The following EIF4G3 variants were observed in gnomAD, a reference collection of about 807,000 sequenced individuals.
EIF4G3 encodes eIF-4-gamma 3.
A neutral mutation model predicts 186.4 loss-of-function variants in EIF4G3; 34 were observed. That is an observed-to-expected ratio of 0.18 (90% CI 0.14 to 0.24). The LOEUF is 0.24. Among genes scored for constraint, EIF4G3 ranks in the 10% least tolerant of loss-of-function variants. EIF4G3 has a pLI of 1.00. For missense variants in EIF4G3, 1,536 were observed against 1,948.5 expected (o/e 0.79, Z 3.99); for synonymous variants, 673 against 679.5 (o/e 0.99, Z 0.15).
intron 29 of EIF4G3, among the ~76,000 whole-genome samples, chr1:20,843,228 T>G (rs1282369554): frequency 6.6e-6 from 1 of 151,394 alleles, no homozygotes; most frequent in Non-Finnish European, 1.5e-5. Context: ...AAATATTCAA[T>G]CCTCAGGCTG....
intron 4 of EIF4G3, among the ~76,000 whole-genome samples, chr1:21,013,755 T>C (rs2087933176): frequency 6.6e-6 from 1 of 152,052 alleles, no homozygotes; most frequent in African/African-American, 2.4e-5. Context: ...ACAGAAAAGG[T>C]CAACAAGACC....
chr1:21,166,971 G>A (rs942100133), intron 2 of EIF4G3, among the ~76,000 whole-genome samples: 1 of 151,936 alleles, frequency 6.6e-6, no homozygotes, highest in Admixed American at 6.6e-5. Flanking sequence ...CTGTAAAGAC[G>A]GGGTTTTGTC....
intron 26 of EIF4G3, among the ~76,000 whole-genome samples, chr1:20,854,629 T>C (rs1333234171): frequency 6.6e-6 from 1 of 151,104 alleles, no homozygotes; most frequent in East Asian, 1.9e-4. Context: ...TGCTTGAACC[T>C]AGGTGGTTGA....
intron 2 of EIF4G3, among the ~76,000 whole-genome samples, chr1:21,125,700 T>C (rs540916711): frequency 5.3e-5 from 8 of 150,768 alleles, no homozygotes; most frequent in South Asian, 2.1e-4. Context: ...GCCTGGGCAA[T>C]AGAGCAAGAC....
intron 2 of EIF4G3, among the ~76,000 whole-genome samples, chr1:21,112,290 C>T (rs766504692): frequency 2.6e-5 from 4 of 152,134 alleles, no homozygotes; most frequent in African/African-American, 4.8e-5. Context: ...AATTCACAAC[C>T]AGTAAGAGTT....
At chr1:21,003,738 C>T in intron 4 of EIF4G3, 1 of 442,820 alleles carries the variant, frequency 2.3e-6, no homozygotes, top group Non-Finnish European at 4.4e-6. Context: ...GTTTAACCTG[C>T]CTGTGAGGTT....
At chr1:21,104,723 A>G (rs2096585092) in intron 2 of EIF4G3, among the ~76,000 whole-genome samples, 3 of 152,242 alleles carry the variant, frequency 2.0e-5, no homozygotes, top group Admixed American at 6.5e-5. Flanking sequence ...GTATATACCC[A>G]AAGGAATATA....
At chr1:20,993,795 A>C (rs925773716) in intron 7 of EIF4G3, among the ~76,000 whole-genome samples, 8 of 152,170 alleles carry the variant, frequency 5.3e-5, no homozygotes, top group African/African-American at 1.9e-4. Context: ...AGTATGTAAA[A>C]CCCAAAATAT....
intron 3 of EIF4G3, chr1:21,064,679 T>C (rs1324536035): frequency 6.6e-6 from 1 of 152,244 alleles, no homozygotes; most frequent in East Asian, 1.9e-4. Context: ...AAGGTTTGTC[T>C]ATTCTACTAA....
At chr1:21,084,290 G>T (rs2095887241) in intron 3 of EIF4G3, among the ~76,000 whole-genome samples, 1 of 151,830 alleles carries the variant, frequency 6.6e-6, no homozygotes, top group African/African-American at 2.4e-5. Context: ...GTTCCACGTG[G>T]CTGGGGAAGC....
intron 14 of EIF4G3, among the ~76,000 whole-genome samples, chr1:20,932,876 C>T (rs1412298841): frequency 6.9e-6 from 1 of 145,862 alleles, no homozygotes; most frequent in African/African-American, 2.4e-5. Context: ...GCTTTCTCAA[C>T]ACAGAGTTAC....
intron 21 of EIF4G3, among the ~76,000 whole-genome samples, chr1:20,864,915 G>A: frequency 6.6e-6 from 1 of 152,034 alleles, no homozygotes; most frequent in East Asian, 1.9e-4. Context: ...TGGCTGGCAT[G>A]GAAAATTTAG....
intron 3 of EIF4G3, among the ~76,000 whole-genome samples, chr1:21,077,603 G>A (rs536264704): frequency 4.0e-5 from 6 of 150,492 alleles, no homozygotes; most frequent in South Asian, 2.1e-4. Flanking sequence ...AAAACGGGCC[G>A]GGCGTGGTGG....
chr1:21,072,207 A>G (rs1183569661), intron 3 of EIF4G3, among the ~76,000 whole-genome samples: 1 of 152,184 alleles, frequency 6.6e-6, no homozygotes, highest in Non-Finnish European at 1.5e-5. Flanking sequence ...CAAATATATA[A>G]TAAGTATTGA....
intron 4 of EIF4G3, among the ~76,000 whole-genome samples, chr1:21,039,615 T>G (rs1211619649): frequency 6.6e-6 from 1 of 152,124 alleles, no homozygotes; most frequent in Non-Finnish European, 1.5e-5. Flanking sequence ...GTGAGTTATT[T>G]CCAACACCCT....
intron 2 of EIF4G3, among the ~76,000 whole-genome samples, chr1:21,121,633 G>A (rs2096925988): frequency 6.6e-6 from 1 of 152,082 alleles, no homozygotes; most frequent in African/African-American, 2.4e-5. Context: ...AAATCAGCCA[G>A]GCGTGGTGGT....
intron 4 of EIF4G3, among the ~76,000 whole-genome samples, chr1:21,049,708 C>T (rs1227524990): frequency 6.6e-6 from 1 of 151,910 alleles, no homozygotes; most frequent in East Asian, 1.9e-4. Flanking sequence ...AGCAAGACCC[C>T]ATCTCTACAA....
intron 14 of EIF4G3, among the ~76,000 whole-genome samples, chr1:20,915,512 C>A (rs527573196): frequency 2.7e-4 from 41 of 149,670 alleles, no homozygotes; most frequent in African/African-American, 1.0e-3. Flanking sequence ...TTGAACAATA[C>A]AGAAAAAGAA....
chr1:21,075,287 G>A (rs2095551368), intron 3 of EIF4G3, among the ~76,000 whole-genome samples: 1 of 151,916 alleles, frequency 6.6e-6, no homozygotes, highest in African/African-American at 2.4e-5. Flanking sequence ...ACACACATAG[G>A]GCCGGGCAGG....
Sources: allele counts gnomAD v4.1 joint callset (sites outside exome capture counted in the v4.1 genomes callset), GRCh38; gene constraint gnomAD v4.1.1; transcripts MANE v1.5; gene names NCBI Gene and HGNC (gene_info 2026-07-23, HGNC 2026-07-21).